Variants in OSBPL10 observed in about 807,000 individuals in gnomAD.
The protein encoded by OSBPL10 is oxysterol-binding protein-related protein 10.
OSBPL10 carries 49 observed loss-of-function variants against 81.7 expected under a neutral mutation model. The ratio of observed to expected loss-of-function variants is 0.60; its 90% CI spans 0.48 to 0.76. The LOEUF (loss-of-function observed/expected upper bound fraction) is 0.76. Ranked by LOEUF, OSBPL10 falls within the 30% of genes least tolerant of loss-of-function variation. The pLI is 0.00. For missense variants in OSBPL10, 923 were observed against 987.8 expected, an observed-to-expected ratio of 0.93 and a Z score of 0.88; for synonymous variants, 419 against 383.6, an observed-to-expected ratio of 1.09 and a Z score of -1.08.
At chr3:31,748,240 G>T in intron 4 of OSBPL10, 120 bp from the exon 5 acceptor site, 1 of 826,992 alleles carries the variant, frequency 1.2e-6, no homozygotes, top group Non-Finnish European at 1.9e-6. Flanking sequence ...AGCGTGTTCG[G>T]TGCACATTCG....
At chr3:31,926,485 C>T (rs1697079760) in intron 1 of OSBPL10, among the ~76,000 whole-genome samples, 1 of 152,198 alleles carries the variant, frequency 6.6e-6, no homozygotes, top group Non-Finnish European at 1.5e-5. Flanking sequence ...GTGGAATAAA[C>T]CAAAAACTTC....
At chr3:31,936,719 C>T (rs1268839451) in intron 1 of OSBPL10, among the ~76,000 whole-genome samples, 1 of 152,004 alleles carries the variant, frequency 6.6e-6, no homozygotes. Context: ...AGGTCAAATA[C>T]ATAAAACTTC....
At chr3:31,761,823 A>AAAAAAAAAAAAAAAAAAAAAAAAAAC (rs1553622727) in intron 4 of OSBPL10, among the ~76,000 whole-genome samples, 2 of 149,988 alleles carry the variant, frequency 1.3e-5, no homozygotes, top group African/African-American at 5.1e-5. Flanking sequence ...TAAAAAAAAA[A>AAAAAAAAAAAAAAAAAAAAAAAAAAC]AAAAAAAACC....
intron 2 of OSBPL10, among the ~76,000 whole-genome samples, chr3:32,004,587 C>T (rs1162730602): frequency 6.6e-6 from 1 of 152,152 alleles, no homozygotes; most frequent in Non-Finnish European, 1.5e-5. Flanking sequence ...TCTTCGGTTC[C>T]TCTGCATTTT....
intron 1 of OSBPL10, among the ~76,000 whole-genome samples, chr3:31,937,378 C>A (rs1199041358): frequency 6.6e-6 from 1 of 152,108 alleles, no homozygotes; most frequent in African/African-American, 2.4e-5. Flanking sequence ...ATTTGCTATA[C>A]TCTTTAGGGG....
chr3:31,824,560 C>T (rs986493444), intron 4 of OSBPL10, among the ~76,000 whole-genome samples: 5 of 152,152 alleles, frequency 3.3e-5, no homozygotes, highest in Non-Finnish European at 7.3e-5. Context: ...AGTTTGATAT[C>T]GTCAAGGGCA....
chr3:31,896,627 C>A (rs1356605956), intron 1 of OSBPL10, among the ~76,000 whole-genome samples: 1 of 152,230 alleles, frequency 6.6e-6, no homozygotes, highest in East Asian at 1.9e-4. Flanking sequence ...TTCAAGGAGG[C>A]TCCTCTAGCT....
At chr3:32,068,611 A>G (rs1699800400) in intron 1 of OSBPL10, among the ~76,000 whole-genome samples, 1 of 152,180 alleles carries the variant, frequency 6.6e-6, no homozygotes, top group East Asian at 1.9e-4. Flanking sequence ...CAAACTTGAC[A>G]ATGGTTCTAA....
At position 31,998,611 on chromosome 3, in the gene OSBPL10, G is replaced by C. The variant is rs147883005; in HGVS notation, n.298+47880C>G. 2.6e-5 allele frequency among the ~76,000 whole-genome samples: 4 copies of C among 152,218 alleles called. No homozygotes were observed. In the East Asian group the frequency reaches 7.7e-4, roughly 29 times the overall value. On this transcript the variant is annotated intron_variant and non_coding_transcript_variant, in intron 2 of 3. Transcript: ENST00000479173. ...TCATTGGATCTTTTTCAAATAATTT[G>C]ATGGTTACATACCAAATATGGTCCT... is the stretch of plus-strand genomic sequence containing the variant.
At chr3:31,941,395 G>C (rs1697532000) in intron 1 of OSBPL10, among the ~76,000 whole-genome samples, 1 of 152,202 alleles carries the variant, frequency 6.6e-6, no homozygotes. Flanking sequence ...CTCTTTGATG[G>C]ATACGAAAGT....
At chr3:31,791,647 T>G (rs74420429) in intron 4 of OSBPL10, among the ~76,000 whole-genome samples, 31 of 148,246 alleles carry the variant, frequency 2.1e-4, no homozygotes, top group East Asian at 7.9e-4. Flanking sequence ...GAGGTTTTTG[T>G]TTTTTTTTTC....
intron 3 of OSBPL10, among the ~76,000 whole-genome samples, chr3:31,848,431 T>C (rs1700687094): frequency 6.6e-6 from 1 of 152,018 alleles, no homozygotes; most frequent in Non-Finnish European, 1.5e-5. Flanking sequence ...ATGAAGAACA[T>C]GAATTCCATT....
chr3:31,756,417 C>T (rs1697891309), intron 4 of OSBPL10, among the ~76,000 whole-genome samples: 1 of 152,162 alleles, frequency 6.6e-6, no homozygotes, highest in Non-Finnish European at 1.5e-5. Context: ...ATTCCATCAA[C>T]AACCATCCCA....
rs1699025291 is a variant in OSBPL10 at position 31,991,192 on chromosome 3, TC to T, written n.298+55298del. Reference sequence around the variant, plus strand: ...TGGGCAGGGTGGCTTATACCTGTAATCCCAGCACTGTGGGAGGTCAAGACGG... The same window carrying T: ...TGGGCAGGGTGGCTTATACCTGTAATCCAGCACTGTGGGAGGTCAAGACGG... On this transcript the variant is annotated intron_variant and non_coding_transcript_variant, in intron 2 of 3. Transcript: ENST00000479173. 2.8e-5 allele frequency: 16 copies of T among 561,654 alleles called. No individual in the cohort carries two copies. The South Asian group carries it at 4.0e-4, about 14-fold the overall frequency. 34.8% of individuals were successfully genotyped at this position (561,654 alleles called of 1,614,324 possible). A position where few individuals can be genotyped will look rare whatever the true frequency, so the allele number is the denominator to read the frequency against.
chr3:31,824,699 T>C (rs1267275218), intron 4 of OSBPL10, among the ~76,000 whole-genome samples: 1 of 152,128 alleles, frequency 6.6e-6, no homozygotes, highest in African/African-American at 2.4e-5. Context: ...AGCCTTCACA[T>C]CATTCATCAA....
chr3:31,725,073 T>C (rs75277231), intron 6 of OSBPL10, among the ~76,000 whole-genome samples: 14,857 of 152,188 alleles, frequency 0.098, 1,793 homozygotes, highest in African/African-American at 0.29. Context: ...TCTAATCTCA[T>C]GAATACAGAA....
chr3:31,995,572 C>T (rs567907181), intron 2 of OSBPL10, among the ~76,000 whole-genome samples: 27 of 152,250 alleles, frequency 1.8e-4, no homozygotes, highest in African/African-American at 6.3e-4. Flanking sequence ...TTCAAACACA[C>T]ATGTTTTACA....
intron 7 of OSBPL10, 91 bp downstream of exon 7, chr3:31,702,265 TCAC>T (rs1695918730): frequency 7.0e-7 from 1 of 1,434,624 alleles, no homozygotes; most frequent in Non-Finnish European, 9.5e-7. Context: ...TTCTCCAATC[TCAC>T]CACAACGAAA....
At chr3:31,827,277 A>G (rs1290481817) in intron 4 of OSBPL10, among the ~76,000 whole-genome samples, 3 of 152,020 alleles carry the variant, frequency 2.0e-5, no homozygotes, top group African/African-American at 7.3e-5. Context: ...CCCAACAGAT[A>G]GACAACAGAG....
Sources: gnomAD v4.1 joint callset for allele counts (sites outside exome capture counted in the v4.1 genomes callset) on GRCh38, gnomAD v4.1.1 for gene constraint, MANE v1.5 for transcripts, NCBI Gene and HGNC (gene_info 2026-07-23, HGNC 2026-07-21) for gene names.